The following STAT1 variants were observed in gnomAD, a reference collection of about 807,000 sequenced individuals.
STAT1 encodes signal transducer and activator of transcription 1.
A neutral mutation model predicts 111.7 loss-of-function variants in STAT1; 24 were observed. The observed-to-expected ratio is 0.21, with a 90% CI of 0.16 to 0.30. The LOEUF (loss-of-function observed/expected upper bound fraction) is 0.30, where lower values mean the gene tolerates loss of function less well. Among genes scored for constraint, STAT1 ranks in the 10% least tolerant of loss-of-function variants. The probability of loss-of-function intolerance (pLI) is 1.00; values close to 1 mark genes in which losing one functional copy is unlikely to be tolerated. For synonymous variants in STAT1, 332 were observed against 326.5 expected (o/e 1.02, Z -0.18); for missense variants, 351 against 911.9 (o/e 0.38, Z 7.92).
In STAT1 at chr2:190,973,321, T is replaced by C. The variant is rs1691646933; in HGVS notation, c.2238+1509A>G. Among the ~76,000 whole-genome samples the C allele has an allele frequency of 6.6e-6, 1 of 152,212 alleles. No individual in the cohort carries two copies. The highest frequency in any genetic ancestry group is 1.5e-5 in the Non-Finnish European group (1 of 68,032). ...ATTCTTTCTACCATTTACTAACTGC[T>C]TGATCTTAGTCAAGTTACATAAAAG... On this transcript the variant is annotated intron_variant, in intron 24 of 24. Coordinates refer to ENST00000361099, the MANE Select transcript of STAT1 (RefSeq NM_007315.4). This position sits in a 1 kb window ranked among gnomAD's most constrained non-coding sequence, Gnocchi z 4.4.
chr2:191,004,794 G>A lies in STAT1; in HGVS notation c.372+2769C>T, dbSNP rs1694554353. Among the ~76,000 whole-genome samples the A allele has an allele frequency of 6.6e-6, 1 of 152,178 alleles. No individual in the cohort carries two copies. The highest frequency in any genetic ancestry group is 1.5e-5 in the Non-Finnish European group (1 of 68,028). On this transcript the variant is annotated intron_variant, in intron 5 of 24. Coordinates refer to ENST00000361099, the MANE Select transcript of STAT1 (RefSeq NM_007315.4). This position sits in a 1 kb window ranked among gnomAD's most constrained non-coding sequence, Gnocchi z 5.0. ...AGCACTCAGCATATGGTAACCATTAGTCCTTAAGAACACAAAGATGGAACA... is the reference window on the plus strand; with the variant it reads ...AGCACTCAGCATATGGTAACCATTAATCCTTAAGAACACAAAGATGGAACA...
At chr2:191,001,633 G>A (rs563865098) in intron 5 of STAT1, among the ~76,000 whole-genome samples, 6 of 152,244 alleles carry the variant, frequency 3.9e-5, no homozygotes, top group South Asian at 2.1e-4. Context: ...ACACAATTCC[G>A]GGTGATCCAG....
In STAT1 at chr2:190,977,841, T is replaced by C. The variant is rs563573185; in HGVS notation, c.1874-816A>G. ...GAGGAAAAGGGCAGGTTCTAATGAC[T>C]ACTGCCCACGCCAGACTCTCATCTC... is the stretch of plus-strand genomic sequence containing the variant. On this transcript the variant is annotated intron_variant, in intron 21 of 24. Transcript: ENST00000361099. The surrounding 1 kb of genome is among the most constrained non-coding windows in gnomAD (Gnocchi z 4.7). 4.6e-5 allele frequency among the ~76,000 whole-genome samples: 7 copies of C among 152,314 alleles called. No individual in the cohort carries two copies. Among genetic ancestry groups the C allele is most frequent in the Middle Eastern group, 3.4e-3 (1 of 294 alleles).
rs997068495 is a variant in STAT1, at chr2:190,993,071, T to C, written c.945-1751A>G. ...TCCCAAAGTGCTGGGATTACAGGCA[T>C]GAGCCACCGTGCCGGGCCTTGTTGC... On this transcript the variant is annotated intron_variant, in intron 10 of 24. Coordinates refer to ENST00000361099, the MANE Select transcript of STAT1 (RefSeq NM_007315.4). The surrounding 1 kb of genome is among the most constrained non-coding windows in gnomAD (Gnocchi z 4.1). 2 of 355,476 alleles carry C rather than the reference T, an allele frequency of 5.6e-6. No individual in the cohort carries two copies. Among genetic ancestry groups the C allele is most frequent in the African/African-American group, 2.2e-5 (1 of 46,248 alleles). The allele number at this position is 355,476 out of a possible 1,614,324, so 22.0% of individuals were successfully genotyped here.
In STAT1 at chr2:190,976,781, A is replaced by G; in HGVS notation, c.2059+59T>C. 1 of 1,458,320 alleles carries G rather than the reference A, an allele frequency of 6.9e-7. No individual in the cohort carries two copies. The highest frequency in any genetic ancestry group is 9.6e-7 in the Non-Finnish European group (1 of 1,038,674). 90.3% of individuals were successfully genotyped at this position (1,458,320 alleles called of 1,614,324 possible). On this transcript the variant is annotated intron_variant, in intron 22 of 24. Coordinates refer to ENST00000361099, the MANE Select transcript of STAT1 (RefSeq NM_007315.4). This position sits in a 1 kb window ranked among gnomAD's most constrained non-coding sequence, Gnocchi z 6.0. ...ACTGCATGGGTGGAGTTTCAGAATA[A>G]TCACCCCCTCATCAGGAAAGACTGT...
chr2:191,011,556 C>A (rs1695118381), intron 2 of STAT1, among the ~76,000 whole-genome samples: 1 of 151,832 alleles, frequency 6.6e-6, no homozygotes, highest in Non-Finnish European at 1.5e-5. Context: ...GGAGCTCAGA[C>A]TGCAAGTGAT....
intron 10 of STAT1, among the ~76,000 whole-genome samples, chr2:190,994,755 T>C (rs1693685093): frequency 1.3e-5 from 2 of 151,476 alleles, no homozygotes; most frequent in African/African-American, 4.9e-5. Flanking sequence ...ACCCAGTCTC[T>C]ACTAAAAAAA....
intron 4 of STAT1, among the ~76,000 whole-genome samples, chr2:191,008,631 A>G (rs1418534681): frequency 6.6e-6 from 1 of 152,232 alleles, no homozygotes; most frequent in Non-Finnish European, 1.5e-5. Context: ...ACTATAGATC[A>G]TTGCTCTTAA....
At chr2:190,994,925 A>ATATATATAT (rs1553496728) in intron 10 of STAT1, 136 bp downstream of exon 10, 4 of 99,524 alleles carry the variant, frequency 4.0e-5, no homozygotes, top group African/African-American at 2.5e-4. Flanking sequence ...AAAAAAAAAA[A>ATATATATAT]AAATATATAT....
rs1692372899 is a variant in STAT1, at chr2:190,981,322, T to C, written c.1583-653A>G. Among the ~76,000 whole-genome samples the C allele has an allele frequency of 6.6e-6, 1 of 152,228 alleles. No homozygotes were observed. Among genetic ancestry groups the C allele is most frequent in the Admixed American group, 6.5e-5 (1 of 15,278 alleles). On this transcript the variant is annotated intron_variant, in intron 18 of 24. Transcript: ENST00000361099. The surrounding 1 kb of genome is among the most constrained non-coding windows in gnomAD (Gnocchi z 4.1). ...ACAAGTTTATTTTAGACATTATTTA[T>C]GCATTTCCCTCAGCTTTCCTCCAAA...
chr2:191,010,120 T>G, intron 2 of STAT1, 116 bp from the exon 3 acceptor site: 6 of 1,220,006 alleles, frequency 4.9e-6, no homozygotes, highest in Non-Finnish European at 7.0e-6. Context: ...AAAACATAGT[T>G]TGTCCCAGGA....
chr2:190,992,027 T>A (rs190279389), intron 10 of STAT1, among the ~76,000 whole-genome samples: 2 of 152,362 alleles, frequency 1.3e-5, no homozygotes, highest in Admixed American at 1.3e-4. Flanking sequence ...AGTACATTTT[T>A]TTAAATATTA....
Position 190,973,755 on chromosome 2 carries a change from G to A in STAT1, c.2238+1075C>T, listed in dbSNP as rs1691679149. ...CAATAGCTAACTGTTTTTCTAAATG[G>A]CCTATTTCGTCAACAACAATCAGGA... is the stretch of plus-strand genomic sequence containing the variant. On this transcript the variant is annotated intron_variant, in intron 24 of 24. Coordinates refer to ENST00000361099, the MANE Select transcript of STAT1 (RefSeq NM_007315.4). The surrounding 1 kb of genome is among the most constrained non-coding windows in gnomAD (Gnocchi z 4.4). Among the ~76,000 whole-genome samples, 1 of 152,110 alleles carries A rather than the reference G, an allele frequency of 6.6e-6. No individual in the cohort carries two copies. Among genetic ancestry groups the A allele is most frequent in the South Asian group, 2.1e-4 (1 of 4,820 alleles).
Position 190,984,345 on chromosome 2 carries a change from G to C in STAT1, c.1312C>G (p.Gln438Glu). Residue 438 changes from glutamine (Q) to glutamate (E), a missense_variant, in exon 16 of 25, where the codon CAA (glutamine) becomes GAA (glutamate). Physicochemically the swap from Gln to Glu is conservative, Grantham distance 29. Around this residue, in one of 7 missense-constraint regions of STAT1, gnomAD observed 181 missense variants for 426.1 expected, o/e 0.42. Coordinates refer to ENST00000361099, the MANE Select transcript of STAT1 (RefSeq NM_007315.4). The surrounding 1 kb of genome is among the most constrained non-coding windows in gnomAD (Gnocchi z 5.2). ...ATTACCAAACCAGGCTGGCACAATTGGGTTTCAAAACTAAGGGAGTGAAGC... is the reference window on the plus strand; with the variant it reads ...ATTACCAAACCAGGCTGGCACAATTCGGTTTCAAAACTAAGGGAGTGAAGC... ...EELHSLSFET[Q>E]LCQPGLVIDL... 1.2e-6 allele frequency: 2 copies of C among 1,614,072 alleles called. No homozygotes were observed. The highest frequency in any genetic ancestry group is 1.7e-6 in the Non-Finnish European group (2 of 1,179,978).
rs13012785 is a variant in STAT1, at chr2:190,987,720, T to A, written c.1098-652A>T. Among the ~76,000 whole-genome samples the A allele has an allele frequency of 0.048, 7,342 of 152,332 alleles. 248 individuals are homozygous for A. The highest frequency in any genetic ancestry group is 0.12 in the Middle Eastern group (34 of 294). ...TTTGTCATGTTCTGGCCAAATAATG[T>A]ATCCGTGAGCGTCCTAGATGTAGAC... is the stretch of plus-strand genomic sequence containing the variant. On this transcript the variant is annotated intron_variant, in intron 12 of 24. Coordinates refer to ENST00000361099, the MANE Select transcript of STAT1 (RefSeq NM_007315.4). This position sits in a 1 kb window ranked among gnomAD's most constrained non-coding sequence, Gnocchi z 4.0.
rs6718902 is a variant in STAT1 at position 190,973,478 on chromosome 2, C to T, written c.2238+1352G>A. On this transcript the variant is annotated intron_variant, in intron 24 of 24. Transcript: ENST00000361099. This position sits in a 1 kb window ranked among gnomAD's most constrained non-coding sequence, Gnocchi z 4.4. ...TGAAGTACATGGTATACTGTAGGTG[C>T]TTAATGTCACCTATTAATGGTGGTG... 0.22 allele frequency among the ~76,000 whole-genome samples: 34,119 copies of T among 151,996 alleles called. 4,134 individuals are homozygous for T. Among genetic ancestry groups the T allele is most frequent in the East Asian group, 0.46 (2,383 of 5,168 alleles).
Position 190,984,152 on chromosome 2 carries a change from G to A in STAT1, c.1347+158C>T, listed in dbSNP as rs1375312885. 6.6e-6 allele frequency among the ~76,000 whole-genome samples: 1 copy of A among 151,920 alleles called. No individual in the cohort carries two copies. Among genetic ancestry groups the A allele is most frequent in the Admixed American group, 6.6e-5 (1 of 15,248 alleles). Reference sequence around the variant, plus strand: ...GGTTAATTCAATTGTCTAGCTTTCTGGACCATAAATTAAGGTTAAGATAGT... The same window carrying A: ...GGTTAATTCAATTGTCTAGCTTTCTAGACCATAAATTAAGGTTAAGATAGT... On this transcript the variant is annotated intron_variant, in intron 16 of 24. Coordinates refer to ENST00000361099, the MANE Select transcript of STAT1 (RefSeq NM_007315.4). The surrounding 1 kb of genome is among the most constrained non-coding windows in gnomAD (Gnocchi z 5.2).
rs1031864663 is a variant in STAT1 at position 190,984,793 on chromosome 2, G to A, written c.1264-400C>T. On this transcript the variant is annotated intron_variant, in intron 15 of 24. Coordinates refer to ENST00000361099, the MANE Select transcript of STAT1 (RefSeq NM_007315.4). This position sits in a 1 kb window ranked among gnomAD's most constrained non-coding sequence, Gnocchi z 5.2. ...TGATTGTCTACTGCCTACCGGAAGG[G>A]CTGACTCACATCAACTTGGCAGGTC... Among the ~76,000 whole-genome samples the A allele has an allele frequency of 6.6e-6, 1 of 152,196 alleles. No homozygotes were observed. The highest frequency in any genetic ancestry group is 6.5e-5 in the Admixed American group (1 of 15,290).
intron 15 of STAT1, 43 bp downstream of exon 15, chr2:190,985,576 C>G: frequency 6.2e-7 from 1 of 1,612,144 alleles, no homozygotes; most frequent in South Asian, 1.1e-5. Flanking sequence ...GCTAGACAGA[C>G]CTGCCTGATT....
Sources: allele counts gnomAD v4.1 joint callset (sites outside exome capture counted in the v4.1 genomes callset), GRCh38; gene constraint gnomAD v4.1.1; regional missense constraint gnomAD v4.1.1; non-coding constraint Gnocchi (gnomAD v3.1); transcripts MANE v1.5; gene names NCBI Gene and HGNC (gene_info 2026-07-23, HGNC 2026-07-21).